Variants in GCFC2 observed in about 807,000 individuals in gnomAD.
GCFC2 encodes the protein intron Large complex component GCFC2.
Under a neutral mutation model 99.4 loss-of-function variants are expected in GCFC2, and 102 were observed. The ratio of observed to expected loss-of-function variants is 1.03; its 90% CI spans 0.87 to 1.21. The LOEUF (loss-of-function observed/expected upper bound fraction) is 1.21, where lower values mean the gene tolerates loss of function less well. Among genes scored for constraint, GCFC2 ranks in the 50% most tolerant of loss-of-function variants. The pLI is 0.00. For synonymous variants in GCFC2, 338 were observed against 316.8 expected, an observed-to-expected ratio of 1.07 and a Z score of -0.71; for missense variants, 973 against 920.9, an observed-to-expected ratio of 1.06 and a Z score of -0.73.
chr2:75,668,056 A>T (rs1678928095), intron 15 of GCFC2, among the ~76,000 whole-genome samples: 1 of 152,192 alleles, frequency 6.6e-6, no homozygotes, highest in South Asian at 2.1e-4. Context: ...TTAAAGAGCT[A>T]GAGAAACTGG....
At chr2:75,671,193 T>C (rs1305121782) in intron 14 of GCFC2, among the ~76,000 whole-genome samples, 1 of 152,208 alleles carries the variant, frequency 6.6e-6, no homozygotes, top group African/African-American at 2.4e-5. Flanking sequence ...TTCTACAGAT[T>C]CCCTGAAGCC....
At chr2:75,707,147 A>G (rs1166943839) in intron 1 of GCFC2, among the ~76,000 whole-genome samples, 2 of 152,198 alleles carry the variant, frequency 1.3e-5, no homozygotes, top group Non-Finnish European at 2.9e-5. Flanking sequence ...AGGGCTGTCA[A>G]CCTAATCCCA....
chr2:75,676,495 C>T (rs1376792070), intron 12 of GCFC2, among the ~76,000 whole-genome samples: 1 of 151,624 alleles, frequency 6.6e-6, no homozygotes, highest in Non-Finnish European at 1.5e-5. Context: ...TTCTCTTTCC[C>T]ATACTATCTT....
intron 2 of GCFC2, among the ~76,000 whole-genome samples, chr2:75,702,787 G>A (rs1680668308): frequency 6.6e-6 from 1 of 152,170 alleles, no homozygotes; most frequent in Non-Finnish European, 1.5e-5. Flanking sequence ...GCTGAGTGTG[G>A]TGTTCCCCAA....
In GCFC2 at chr2:75,710,636, A is replaced by T; in HGVS notation, c.220T>A (p.Ser74Thr). The T allele has an allele frequency of 6.6e-7, 1 of 1,517,520 alleles. No individual in the cohort carries two copies. The highest frequency in any genetic ancestry group is 1.2e-5 in the South Asian group (1 of 82,478). 94.0% of individuals were successfully genotyped at this position (1,517,520 alleles called of 1,614,324 possible). The change falls in exon 1 of 17, where the codon TCC (serine) becomes ACC (threonine). Residue 74 changes from serine to threonine, a missense_variant. By Grantham distance (58) the Ser-to-Thr change is moderately conservative. Transcript: ENST00000321027. The part of the protein sequence containing the change: ...PRGRGRVWAS[S>T]RRATKAAPRA... ...GGAGCCGCTTTGGTGGCACGCCGGGAGCTCGCCCAGACCCGGCCCCGGCCA... is the reference window on the plus strand; with the variant it reads ...GGAGCCGCTTTGGTGGCACGCCGGGTGCTCGCCCAGACCCGGCCCCGGCCA...
At chr2:75,673,137 C>A (rs1040036951) in intron 13 of GCFC2, among the ~76,000 whole-genome samples, 2 of 151,818 alleles carry the variant, frequency 1.3e-5, no homozygotes, top group East Asian at 3.9e-4. Flanking sequence ...GGTGAAACCC[C>A]ATCTCTACTA....
intron 2 of GCFC2, among the ~76,000 whole-genome samples, chr2:75,702,849 A>ACCCCAC (rs1191199574): frequency 6.6e-6 from 1 of 152,202 alleles, no homozygotes; most frequent in African/African-American, 2.4e-5. Context: ...AGCCTGACTT[A>ACCCCAC]CCAAGTAAGA....
At chr2:75,690,868 G>C in intron 7 of GCFC2, 149 bp from the exon 8 acceptor site, 2 of 546,798 alleles carry the variant, frequency 3.7e-6, no homozygotes, top group Non-Finnish European at 6.4e-6. Context: ...ATTATGCAAT[G>C]ACATTTCAAT....
chr2:75,709,069 C>T (rs925595210), intron 1 of GCFC2, among the ~76,000 whole-genome samples: 1 of 152,190 alleles, frequency 6.6e-6, no homozygotes, highest in Non-Finnish European at 1.5e-5. Context: ...AACAATGCTA[C>T]TCTTCCTTTT....
intron 2 of GCFC2, among the ~76,000 whole-genome samples, chr2:75,704,972 C>T (rs1025745370): frequency 8.5e-5 from 13 of 152,198 alleles, no homozygotes; most frequent in African/African-American, 2.4e-4. Flanking sequence ...TAGTCTAATC[C>T]GCCATCTTTT....
intron 11 of GCFC2, among the ~76,000 whole-genome samples, chr2:75,686,567 C>A (rs1679825887): frequency 1.3e-5 from 2 of 152,104 alleles, no homozygotes; most frequent in African/African-American, 2.4e-5. Context: ...CAGAGCAAGA[C>A]CCTGTCTCTA....
At chr2:75,689,918 CT>C (rs1372794293) in intron 9 of GCFC2, 50 bp downstream of exon 9, 5 of 928,640 alleles carry the variant, frequency 5.4e-6, no homozygotes, top group Admixed American at 2.2e-5. Flanking sequence ...CAAAGTGTTT[CT>C]CACCATTTCA....
chr2:75,692,891 T>G (rs577637482), intron 6 of GCFC2, among the ~76,000 whole-genome samples: 1 of 152,242 alleles, frequency 6.6e-6, no homozygotes, highest in East Asian at 1.9e-4. Flanking sequence ...GAAATGAGAC[T>G]TGTTGAAATT....
intron 13 of GCFC2, among the ~76,000 whole-genome samples, chr2:75,672,386 A>T (rs911959282): frequency 7.3e-5 from 11 of 149,854 alleles, no homozygotes; most frequent in Middle Eastern, 3.6e-3. Context: ...CAAATAACTA[A>T]TATATCACAT....
intron 12 of GCFC2, among the ~76,000 whole-genome samples, chr2:75,675,282 CAT>C (rs1008263056): frequency 2.6e-5 from 4 of 152,030 alleles, no homozygotes; most frequent in Non-Finnish European, 5.9e-5. Context: ...CAGGAGAAAA[CAT>C]ATTGTATGTA....
chr2:75,672,507 T>C (rs1679153419), intron 13 of GCFC2, among the ~76,000 whole-genome samples: 2 of 151,968 alleles, frequency 1.3e-5, no homozygotes, highest in Admixed American at 1.3e-4. Flanking sequence ...TCAGAAAGCT[T>C]TGAGGTTCCT....
intron 12 of GCFC2, among the ~76,000 whole-genome samples, chr2:75,679,580 G>A (rs1462731482): frequency 6.6e-6 from 1 of 152,194 alleles, no homozygotes; most frequent in Non-Finnish European, 1.5e-5. Flanking sequence ...AATCCTTAAA[G>A]AGACTACTAT....
intron 1 of GCFC2, 24 bp downstream of exon 1, chr2:75,710,567 G>A: frequency 3.4e-6 from 5 of 1,478,556 alleles, no homozygotes; most frequent in Middle Eastern, 2.4e-4. Context: ...TCACCTCCCC[G>A]CTTCCCCGCG....
intron 6 of GCFC2, among the ~76,000 whole-genome samples, chr2:75,692,668 A>G (rs1320277605): frequency 6.6e-6 from 1 of 151,930 alleles, no homozygotes; most frequent in Non-Finnish European, 1.5e-5. Context: ...AAAAAAAGAA[A>G]CCAAATGGGA....
Sources: gnomAD v4.1 joint callset for allele counts (sites outside exome capture counted in the v4.1 genomes callset) on GRCh38, gnomAD v4.1.1 for gene constraint, MANE v1.5 for transcripts, NCBI Gene and HGNC (gene_info 2026-07-23, HGNC 2026-07-21) for gene names.